ALG9: variants seen among roughly 807,000 people sequenced by gnomAD.
ALG9 encodes alpha-1,2-mannosyltransferase ALG9.
ALG9 carries 55 observed loss-of-function variants against 81.8 expected under a neutral mutation model. The ratio of observed to expected loss-of-function variants is 0.67; its 90% CI spans 0.54 to 0.84. ALG9 has a LOEUF of 0.84. Among genes scored for constraint, ALG9 ranks in the 40% least tolerant of loss-of-function variants. The pLI, the probability that ALG9 is intolerant of heterozygous loss-of-function variation, is 0.00. For synonymous variants in ALG9, 278 were observed against 274.3 expected, an observed-to-expected ratio of 1.01 and a Z score of -0.13; for missense variants, 629 against 745.0, an observed-to-expected ratio of 0.84 and a Z score of 1.81.
At chr11:111,798,277 A>G (rs1355227729) in intron 14 of ALG9, 4 of 236,802 alleles carry the variant, frequency 1.7e-5, no homozygotes, top group Non-Finnish European at 3.5e-5. Context: ...AGCAAGACAA[A>G]AGGGACATAT....
rs552276791 is a variant in ALG9 at position 111,860,334 on chromosome 11, C to A, written c.565+213G>T. Among the ~76,000 whole-genome samples the A allele has an allele frequency of 1.2e-4, 19 of 152,260 alleles. No homozygotes were observed. The South Asian group carries it at 3.9e-3, about 32-fold the overall frequency. ...CAAAAGTGAGAAAATGTTTTTCTTA[C>A]TTACATGGTAGGATTGTTACAAAGG... On this transcript the variant is annotated intron_variant, in intron 5 of 14. Coordinates refer to ENST00000616540, the MANE Select transcript of ALG9 (RefSeq NM_024740.2).
At chr11:111,865,063 C>A (rs1478671383) in intron 4 of ALG9, 118 bp downstream of exon 4, 1 of 773,812 alleles carries the variant, frequency 1.3e-6, no homozygotes, top group Non-Finnish European at 2.0e-6. Flanking sequence ...AGGTGTGAGC[C>A]ACCGCACCCG....
intron 5 of ALG9, 42 bp from the exon 6 acceptor site, chr11:111,857,779 C>T (rs782817535): frequency 2.5e-6 from 4 of 1,611,518 alleles, no homozygotes; most frequent in East Asian, 4.5e-5. Flanking sequence ...AGGACAAGAG[C>T]TCGAGGTTAA....
intron 5 of ALG9, 55 bp downstream of exon 5, chr11:111,860,492 C>T (rs1463754676): frequency 7.0e-7 from 1 of 1,424,918 alleles, no homozygotes; most frequent in East Asian, 2.3e-5. Context: ...CCCTCATCTG[C>T]CCTTTTACTT....
Position 111,839,119 on chromosome 11 carries a change from GAATA to G in ALG9, c.1174-724_1174-721del, listed in dbSNP as rs533392410. ...AAGATATTTATCCTAGCATAATACT[GAATA>G]AATGAGCAACCTAAATTCTACCATG... On this transcript the variant is annotated intron_variant, in intron 10 of 14. Coordinates refer to ENST00000616540, the MANE Select transcript of ALG9 (RefSeq NM_024740.2). Among the ~76,000 whole-genome samples the G allele has an allele frequency of 1.1e-4, 17 of 152,030 alleles. No individual in the cohort carries two copies. In the East Asian group the frequency reaches 3.3e-3, roughly 29 times the overall value.
the ALG9 span, among the ~76,000 whole-genome samples, chr11:111,773,691 T>C: frequency 6.6e-6 from 1 of 152,076 alleles, no homozygotes; most frequent in Non-Finnish European, 1.5e-5. Flanking sequence ...AAAAATGTTT[T>C]GTTATGGTGT....
At chr11:111,794,687 C>CCCAT (rs1565620960) in intron 14 of ALG9, among the ~76,000 whole-genome samples, 1 of 152,070 alleles carries the variant, frequency 6.6e-6, no homozygotes, top group Non-Finnish European at 1.5e-5. Context: ...CATCCATCCA[C>CCCAT]CCATCCATCC....
At chr11:111,850,070 T>G (rs1177292875) in intron 8 of ALG9, among the ~76,000 whole-genome samples, 1 of 152,204 alleles carries the variant, frequency 6.6e-6, no homozygotes, top group Non-Finnish European at 1.5e-5. Flanking sequence ...AAGTCTTTTA[T>G]GTATACTGAA....
At chr11:111,791,322 G>A (rs904493999) in intron 14 of ALG9, among the ~76,000 whole-genome samples, 21 of 152,230 alleles carry the variant, frequency 1.4e-4, no homozygotes, top group African/African-American at 5.1e-4. Context: ...GAAGTTCAAA[G>A]TGATAATGCA....
Position 111,845,659 on chromosome 11 carries a change from C to T in ALG9, c.896-936G>A, listed in dbSNP as rs1225713478. ...TAGCAGGTTTTTCATCTGCTTTTCCCCTCTGTATGATTACTTCAATCAAGA... is the reference window on the plus strand; with the variant it reads ...TAGCAGGTTTTTCATCTGCTTTTCCTCTCTGTATGATTACTTCAATCAAGA... On this transcript the variant is annotated intron_variant, in intron 8 of 14. Coordinates refer to ENST00000616540, the MANE Select transcript of ALG9 (RefSeq NM_024740.2). Among the ~76,000 whole-genome samples the T allele has an allele frequency of 2.6e-5, 4 of 152,148 alleles. No individual in the cohort carries two copies. The East Asian group carries it at 5.8e-4, about 22-fold the overall frequency.
At chr11:111,858,236 C>T (rs1959026598) in intron 5 of ALG9, among the ~76,000 whole-genome samples, 2 of 152,088 alleles carry the variant, frequency 1.3e-5, no homozygotes, top group South Asian at 2.1e-4. Context: ...CACCTGGCCT[C>T]TCCTTCCTGT....
At chr11:111,844,841 G>T in intron 8 of ALG9, 118 bp from the exon 9 acceptor site, 1 of 1,132,740 alleles carries the variant, frequency 8.8e-7, no homozygotes, top group Non-Finnish European at 1.3e-6. Flanking sequence ...TCATGGGAAT[G>T]AGAGTGCACA....
the ALG9 span, among the ~76,000 whole-genome samples, chr11:111,771,632 T>C: frequency 6.6e-6 from 1 of 152,132 alleles, no homozygotes; most frequent in Non-Finnish European, 1.5e-5. Flanking sequence ...GAAAGGGACA[T>C]CAAGGGAGTG....
At chr11:111,843,912 G>A (rs967517720) in intron 9 of ALG9, among the ~76,000 whole-genome samples, 3 of 152,176 alleles carry the variant, frequency 2.0e-5, no homozygotes, top group East Asian at 1.9e-4. Flanking sequence ...TTATACTTTC[G>A]TTTGAAGTAC....
In ALG9 at chr11:111,870,953, G is replaced by C. The variant is rs546447161; in HGVS notation, c.131+399C>G. On this transcript the variant is annotated intron_variant, in intron 1 of 14. Transcript: ENST00000616540. ...ATGCAGTTCTAACCTGCAGCCTCCA[G>C]GGTTTGGGAAGAGGTGATGGCGGGT... The C allele has an allele frequency of 2.5e-5, 25 of 1,013,554 alleles. No homozygotes were observed. In the South Asian group the frequency reaches 1.0e-3, roughly 42 times the overall value. The allele number at this position is 1,013,554 out of a possible 1,614,324, so 62.8% of individuals were successfully genotyped here.
chr11:111,808,994 C>T (rs921629152), intron 14 of ALG9, among the ~76,000 whole-genome samples: 6 of 152,182 alleles, frequency 3.9e-5, no homozygotes, highest in African/African-American at 1.2e-4. Flanking sequence ...AAATAATGAA[C>T]ATGAACTTCT....
At chr11:111,863,283 G>C (rs1323920150) in intron 4 of ALG9, among the ~76,000 whole-genome samples, 3 of 152,108 alleles carry the variant, frequency 2.0e-5, no homozygotes, top group African/African-American at 7.2e-5. Context: ...GCTTGAACCC[G>C]GGAGGCTGAG....
chr11:111,804,667 C>T lies in ALG9; in HGVS notation c.1733+4976G>A, dbSNP rs145543326. ...ATGCCCAAAGACTTAACAAACACCT[C>T]ACTGAAGAAGATACTCAGATGGCAA... On this transcript the variant is annotated intron_variant, in intron 14 of 14. Coordinates refer to ENST00000616540, the MANE Select transcript of ALG9 (RefSeq NM_024740.2). 3.9e-5 allele frequency among the ~76,000 whole-genome samples: 6 copies of T among 152,296 alleles called. No individual in the cohort carries two copies. In the East Asian group the frequency reaches 1.2e-3, roughly 29 times the overall value.
At chr11:111,836,565 G>C (rs1555117870) in intron 12 of ALG9, 2 of 415,024 alleles carry the variant, frequency 4.8e-6, no homozygotes, top group Admixed American at 7.2e-5. Context: ...AAAAACCAGA[G>C]AAGTGCCAAT....
Sources: allele counts gnomAD v4.1 joint callset (sites outside exome capture counted in the v4.1 genomes callset), GRCh38; gene constraint gnomAD v4.1.1; transcripts MANE v1.5; gene names NCBI Gene and HGNC (gene_info 2026-07-23, HGNC 2026-07-21).